The following PLOD2 variants were observed in gnomAD, a reference collection of about 807,000 sequenced individuals.
PLOD2 encodes the protein lysine hydroxylase 2.
In PLOD2, 65 loss-of-function variants were observed where a neutral mutation model predicts 101.0. That is an observed-to-expected ratio of 0.64 (90% CI 0.53 to 0.79). PLOD2 has a LOEUF of 0.79. Among genes scored for constraint, PLOD2 ranks in the 30% least tolerant of loss-of-function variants. The pLI is 0.00. For synonymous variants in PLOD2, 314 were observed against 302.9 expected (o/e 1.04, Z -0.38); for missense variants, 909 against 914.6 (o/e 0.99, Z 0.08).
chr3:146,138,908 T>C (rs1240773218), intron 1 of PLOD2, among the ~76,000 whole-genome samples: 2 of 152,178 alleles, frequency 1.3e-5, no homozygotes, highest in African/African-American at 4.8e-5. Context: ...ACTTTAAATA[T>C]ATGGTAAGTG....
At chr3:146,088,991 T>C (rs953131154) in intron 8 of PLOD2, among the ~76,000 whole-genome samples, 1 of 151,632 alleles carries the variant, frequency 6.6e-6, no homozygotes, top group South Asian at 2.1e-4. Context: ...TGGTACTGCC[T>C]ACACTACTAG....
At position 146,100,760 on chromosome 3, in the gene PLOD2, T is replaced by C. The variant is rs1157845358; in HGVS notation, c.777+1995A>G. On this transcript the variant is annotated intron_variant, in intron 7 of 19. Transcript: ENST00000282903. ...GTGGGAGAGTGAATGGGGTGGTAGA[T>C]TGGTGGCCACTAAAGCAGGAGCAAC... Among the ~76,000 whole-genome samples the C allele has an allele frequency of 5.3e-5, 8 of 151,992 alleles. No homozygotes were observed. In the South Asian group the frequency reaches 6.2e-4, roughly 12 times the overall value.
intron 7 of PLOD2, among the ~76,000 whole-genome samples, chr3:146,097,279 C>T (rs1336536226): frequency 6.7e-5 from 10 of 149,970 alleles, no homozygotes; most frequent in Admixed American, 1.3e-4. Context: ...TGCCCAGCCA[C>T]GACCCCGTCT....
intron 9 of PLOD2, among the ~76,000 whole-genome samples, chr3:146,087,414 A>G (rs1286097276): frequency 1.3e-5 from 2 of 151,920 alleles, no homozygotes; most frequent in Non-Finnish European, 2.9e-5. Flanking sequence ...ATGGTCATAT[A>G]TAAAAAAATT....
chr3:146,091,723 T>C (rs1936974794), intron 8 of PLOD2, 77 bp downstream of exon 8: 4 of 864,708 alleles, frequency 4.6e-6, no homozygotes, highest in Non-Finnish European at 7.8e-6. Context: ...TAATTTGCCT[T>C]TTTTCCTATA....
Position 146,160,953 on chromosome 3 carries a change from G to A in PLOD2, c.37C>T (p.Leu13=). The A allele has an allele frequency of 1.9e-6, 3 of 1,600,034 alleles. No homozygotes were observed. Among genetic ancestry groups the A allele is most frequent in the Non-Finnish European group, 2.6e-6 (3 of 1,173,728 alleles). The change falls in exon 1 of 20, where the codon CTG becomes TTG. Residue 13 remains leucine, a synonymous_variant. Coordinates refer to ENST00000282903, the MANE Select transcript of PLOD2 (RefSeq NM_182943.3). ...GCTVKPQLLL[L]ALVLHPWNPC... Reference sequence around the variant, plus strand: ...TTCCAGGGGTGGAGGACGAGCGCCAGGAGCAGCAGCTGAGGCTTCACCGTG... The same window carrying A: ...TTCCAGGGGTGGAGGACGAGCGCCAAGAGCAGCAGCTGAGGCTTCACCGTG...
intron 1 of PLOD2, among the ~76,000 whole-genome samples, chr3:146,137,949 G>C (rs1190445209): frequency 6.6e-6 from 1 of 152,146 alleles, no homozygotes; most frequent in Non-Finnish European, 1.5e-5. Context: ...ACCGCAGGGG[G>C]AAGAAACAGT....
intron 1 of PLOD2, among the ~76,000 whole-genome samples, chr3:146,155,640 G>A (rs866473106): frequency 4.7e-5 from 7 of 150,454 alleles, no homozygotes; most frequent in Non-Finnish European, 7.4e-5. Context: ...GCTTGAACCC[G>A]GGAGGCAGAG....
chr3:146,069,870 G>A lies in PLOD2; in HGVS notation c.*847C>T, dbSNP rs3792347. On this transcript the variant is annotated 3_prime_UTR_variant, in exon 20 of 20. Transcript: ENST00000282903. ...ACTACTCATCTCAATGAAATTTTTC[G>A]TTTTCCTATTTTCTAGAACTTTCTA... is the stretch of plus-strand genomic sequence containing the variant. 0.099 allele frequency: 15,114 copies of A among 151,912 alleles called. 896 individuals are homozygous for A. The highest frequency in any genetic ancestry group is 0.21 in the East Asian group (1,088 of 5,132). The allele number at this position is 151,912 out of a possible 1,614,324, so 9.4% of individuals were successfully genotyped here.
At chr3:146,118,988 T>C (rs1938051111) in intron 3 of PLOD2, among the ~76,000 whole-genome samples, 1 of 152,186 alleles carries the variant, frequency 6.6e-6, no homozygotes, top group African/African-American at 2.4e-5. Flanking sequence ...TTTAATTACA[T>C]CATCTCAGAC....
chr3:146,104,516 C>T (rs987183435), intron 5 of PLOD2, among the ~76,000 whole-genome samples, 174 bp from the exon 6 acceptor site: 1 of 152,086 alleles, frequency 6.6e-6, no homozygotes, highest in Non-Finnish European at 1.5e-5. Context: ...GTAGAAACTG[C>T]GATAGTTGCA....
chr3:146,159,706 C>T (rs1211928481), intron 1 of PLOD2, among the ~76,000 whole-genome samples: 4 of 152,166 alleles, frequency 2.6e-5, no homozygotes, highest in African/African-American at 9.7e-5. Context: ...GTTCAGAAAT[C>T]CATTTTTAAA....
At chr3:146,117,413 GGC>G (rs1258929213) in intron 3 of PLOD2, among the ~76,000 whole-genome samples, 2 of 151,888 alleles carry the variant, frequency 1.3e-5, no homozygotes, top group African/African-American at 4.8e-5. Flanking sequence ...CATTCTCCCA[GGC>G]CCTAGATTAC....
intron 1 of PLOD2, among the ~76,000 whole-genome samples, chr3:146,130,845 C>T (rs1037539986): frequency 6.6e-6 from 1 of 152,162 alleles, no homozygotes; most frequent in African/African-American, 2.4e-5. Context: ...CAACTTAAGA[C>T]TTCTATCCTT....
At chr3:146,077,967 G>C (rs776089487) in intron 13 of PLOD2, 43 bp from the exon 14 acceptor site, 1 of 1,003,492 alleles carries the variant, frequency 1.0e-6, no homozygotes, top group African/African-American at 1.6e-5. Context: ...CTGTACACCC[G>C]CTCTCTCAGG....
intron 15 of PLOD2, among the ~76,000 whole-genome samples, chr3:146,073,886 T>A (rs1415192925): frequency 6.6e-6 from 1 of 151,638 alleles, no homozygotes; most frequent in African/African-American, 2.4e-5. Flanking sequence ...AGGGTCTGTC[T>A]TATATGTCTA....
intron 1 of PLOD2, among the ~76,000 whole-genome samples, chr3:146,126,602 T>C (rs1198275059): frequency 1.3e-5 from 2 of 152,106 alleles, no homozygotes; most frequent in Non-Finnish European, 2.9e-5. Context: ...AAATGATTTA[T>C]GTAATCGATG....
Position 146,108,994 on chromosome 3 carries a change from G to A in PLOD2, c.502+1291C>T, listed in dbSNP as rs150839421. On this transcript the variant is annotated intron_variant, in intron 4 of 19. Coordinates refer to ENST00000282903, the MANE Select transcript of PLOD2 (RefSeq NM_182943.3). ...CTTGACAGTATGGAGGCCATGATGT[G>A]GAAGCAGCACCCATCCATGAGCCGC... 4.6e-5 allele frequency among the ~76,000 whole-genome samples: 7 copies of A among 152,318 alleles called. No homozygotes were observed. In the East Asian group the frequency reaches 1.4e-3, roughly 29 times the overall value.
At chr3:146,072,424 AG>A (rs1306183276) in intron 17 of PLOD2, 136 bp downstream of exon 17, 9 of 679,870 alleles carry the variant, frequency 1.3e-5, no homozygotes, top group Non-Finnish European at 2.4e-5. Flanking sequence ...GACTGAAATC[AG>A]AGCCTTGGCT....
Sources: allele counts gnomAD v4.1 joint callset (sites outside exome capture counted in the v4.1 genomes callset), GRCh38; gene constraint gnomAD v4.1.1; transcripts MANE v1.5; gene names NCBI Gene and HGNC (gene_info 2026-07-23, HGNC 2026-07-21).